Variants in DRG1 observed in about 807,000 individuals in gnomAD.
DRG1 encodes developmentally regulated GTP binding protein 1, also known as developmentally-regulated GTP-binding protein 1.
DRG1 carries 19 observed loss-of-function variants against 38.8 expected under a neutral mutation model. The ratio of observed to expected loss-of-function variants is 0.49; its 90% CI spans 0.34 to 0.72. The LOEUF is 0.72. DRG1 is among the 30% of genes least tolerant of loss of function. The pLI is 0.01. For missense variants in DRG1, 299 were observed against 444.8 expected (o/e 0.67, Z 2.95); for synonymous variants, 167 against 157.5 (o/e 1.06, Z -0.45).
chr22:31,420,392 G>C lies in DRG1; in HGVS notation c.549G>C (p.Lys183Asn). 6.2e-7 allele frequency: 1 copy of C among 1,614,194 alleles called. No homozygotes were observed. The highest frequency in any genetic ancestry group is 8.5e-7 in the Non-Finnish European group (1 of 1,180,034). ...NSKPPNIGFK[K>N]KDKGGINLTA... is the part of the protein sequence containing the mutation. ...AACCCCCCAACATTGGCTTTAAGAAGAAGGACAAGGGAGGCATTAATCTCA... is the reference window on the plus strand; with the variant it reads ...AACCCCCCAACATTGGCTTTAAGAACAAGGACAAGGGAGGCATTAATCTCA... Residue 183 changes from lysine to asparagine, a missense_variant, in exon 5 of 9, where the codon AAG becomes AAC. By Grantham distance (94) the Lys-to-Asn change is moderately conservative. Around this residue, in one of 3 missense-constraint regions of DRG1, gnomAD observed 198 missense variants for 268.1 expected, o/e 0.74. Coordinates refer to ENST00000331457, the MANE Select transcript of DRG1 (RefSeq NM_004147.4).
At chr22:31,431,019 T>TCCCCCCCCCC (rs10570678) in intron 8 of DRG1, among the ~76,000 whole-genome samples, 3 of 81,020 alleles carry the variant, frequency 3.7e-5, no homozygotes, top group Non-Finnish European at 6.6e-5. Flanking sequence ...CACCCGGCCT[T>TCCCCCCCCCC]CCCCCCCCCC....
chr22:31,421,143 C>G (rs11089503), intron 5 of DRG1, among the ~76,000 whole-genome samples: 5,000 of 152,142 alleles, frequency 0.033, 206 homozygotes, highest in Admixed American at 0.082. Flanking sequence ...TGGTCGGTTT[C>G]ATTCTGTTGC....
chr22:31,409,441 T>C (rs993490482), intron 3 of DRG1, among the ~76,000 whole-genome samples: 24 of 152,134 alleles, frequency 1.6e-4, no homozygotes, highest in Non-Finnish European at 1.5e-5. Flanking sequence ...GTAAAGCCTT[T>C]TGAAGTACAG....
chr22:31,432,038 T>C (rs2050141909), intron 8 of DRG1, among the ~76,000 whole-genome samples: 1 of 141,950 alleles, frequency 7.0e-6, no homozygotes, highest in Non-Finnish European at 1.6e-5. Context: ...GCTCTTATTT[T>C]ACTGTTTTTT....
At chr22:31,422,427 G>A (rs139669332) in intron 5 of DRG1, among the ~76,000 whole-genome samples, 1,599 of 152,022 alleles carry the variant, frequency 0.011, 12 homozygotes, top group Middle Eastern at 0.017. Context: ...GCAAAACTCC[G>A]TCTCAAAAGA....
intron 4 of DRG1, among the ~76,000 whole-genome samples, chr22:31,411,422 C>G (rs2050017415): frequency 6.6e-6 from 1 of 151,966 alleles, no homozygotes; most frequent in Admixed American, 6.6e-5. Flanking sequence ...GTGGGATCTT[C>G]TGTTTCCTAG....
intron 3 of DRG1, 124 bp downstream of exon 3, chr22:31,403,328 G>A (rs1156377737): frequency 9.8e-7 from 1 of 1,017,904 alleles, no homozygotes; most frequent in East Asian, 2.7e-5. Context: ...TACCTGGTAG[G>A]GGAAATAGAG....
intron 8 of DRG1, among the ~76,000 whole-genome samples, chr22:31,428,841 CAT>C (rs1344801951): frequency 6.6e-6 from 1 of 152,180 alleles, no homozygotes; most frequent in East Asian, 1.9e-4. Flanking sequence ...AGTGTTCTCT[CAT>C]GATTGAAATG....
chr22:31,420,426 G>GT lies in DRG1; in HGVS notation c.582+2dup. The GT allele has an allele frequency of 6.2e-7, 1 of 1,614,164 alleles. No individual in the cohort carries two copies. The highest frequency in any genetic ancestry group is 1.1e-5 in the South Asian group (1 of 91,080). On this transcript the variant is annotated splice_donor_variant, in intron 5 of 8. Coordinates refer to ENST00000331457, the MANE Select transcript of DRG1 (RefSeq NM_004147.4). LOFTEE classifies it high-confidence loss of function. ...GGGAGGCATTAATCTCACAGCCACT[G>GT]TAAGTGGGGAATATGACATGGGGCA...
intron 8 of DRG1, among the ~76,000 whole-genome samples, chr22:31,433,069 C>T (rs944808992): frequency 1.3e-5 from 2 of 151,832 alleles, no homozygotes; most frequent in Non-Finnish European, 2.9e-5. Flanking sequence ...ATCGGGAGGA[C>T]ATATCAATTA....
Position 31,399,659 on chromosome 22 carries a change from T to C in DRG1, c.-25T>C. ...CGCGGGTGTGTGAAGGGAGACAGTG[T>C]GGAGGCCACAGGGTACTCGCCACGA... is the stretch of plus-strand genomic sequence containing the variant. On this transcript the variant is annotated 5_prime_UTR_variant, in exon 1 of 9. Coordinates refer to ENST00000331457, the MANE Select transcript of DRG1 (RefSeq NM_004147.4). The C allele has an allele frequency of 6.2e-7, 1 of 1,613,998 alleles. No individual in the cohort carries two copies. Among genetic ancestry groups the C allele is most frequent in the African/African-American group, 1.3e-5 (1 of 75,046 alleles).
At chr22:31,403,827 C>A (rs2145858005) in intron 3 of DRG1, among the ~76,000 whole-genome samples, 1 of 152,146 alleles carries the variant, frequency 6.6e-6, no homozygotes, top group African/African-American at 2.4e-5. Flanking sequence ...GTCAGGTGCC[C>A]ATGCAGAGAC....
At chr22:31,402,442 A>G (rs952336325) in intron 2 of DRG1, among the ~76,000 whole-genome samples, 2 of 151,772 alleles carry the variant, frequency 1.3e-5, no homozygotes, top group Non-Finnish European at 2.9e-5. Flanking sequence ...GGGCTACACC[A>G]TAGGTAGAGT....
intron 4 of DRG1, among the ~76,000 whole-genome samples, chr22:31,418,697 T>A (rs894002452): frequency 3.3e-5 from 5 of 151,868 alleles, no homozygotes; most frequent in African/African-American, 1.2e-4. Context: ...TTATTTATTT[T>A]TGTAGATGGA....
chr22:31,413,649 C>G (rs111699142), intron 4 of DRG1, among the ~76,000 whole-genome samples: 1,670 of 117,112 alleles, frequency 0.014, 49 homozygotes, highest in African/African-American at 0.051. Flanking sequence ...GAGTCCCACT[C>G]TGTTGCCCAG....
intron 5 of DRG1, among the ~76,000 whole-genome samples, chr22:31,421,900 A>G (rs922810765): frequency 3.3e-5 from 5 of 152,004 alleles, no homozygotes; most frequent in Non-Finnish European, 7.4e-5. Context: ...GCGGATCACA[A>G]GGTCAAGAGA....
At chr22:31,405,030 C>T (rs558601754) in intron 3 of DRG1, among the ~76,000 whole-genome samples, 1 of 152,168 alleles carries the variant, frequency 6.6e-6, no homozygotes, top group African/African-American at 2.4e-5. Context: ...TAGGCATTGA[C>T]TATTTTATTG....
chr22:31,400,562 C>G, intron 1 of DRG1, 58 bp from the exon 2 acceptor site: 1 of 1,591,538 alleles, frequency 6.3e-7, no homozygotes, highest in Non-Finnish European at 8.6e-7. Context: ...ATTATCCTCT[C>G]AAAGCTGGGG....
chr22:31,400,845 C>T (rs2049957217), intron 2 of DRG1, 102 bp downstream of exon 2: 2 of 1,347,446 alleles, frequency 1.5e-6, no homozygotes, highest in Non-Finnish European at 2.0e-6. Flanking sequence ...AGTGCAGTGG[C>T]TCAACGCCTG....
Sources: allele counts gnomAD v4.1 joint callset (sites outside exome capture counted in the v4.1 genomes callset), GRCh38; gene constraint gnomAD v4.1.1; regional missense constraint gnomAD v4.1.1; transcripts MANE v1.5; gene names NCBI Gene and HGNC (gene_info 2026-07-23, HGNC 2026-07-21).